The following SMYD3 variants were observed in gnomAD, a reference collection of about 807,000 sequenced individuals.
SMYD3 encodes SET and MYND domain containing 3.
Under a neutral mutation model 57.7 loss-of-function variants are expected in SMYD3, and 36 were observed. That is an observed-to-expected ratio of 0.62 (90% CI 0.48 to 0.82). The LOEUF is 0.82. Among genes scored for constraint, SMYD3 ranks in the 40% least tolerant of loss-of-function variants. The pLI is 0.00. For missense variants in SMYD3, 515 were observed against 538.8 expected (o/e 0.96, Z 0.44); for synonymous variants, 211 against 195.0 (o/e 1.08, Z -0.68).
intron 1 of SMYD3, among the ~76,000 whole-genome samples, chr1:246,460,902 A>G (rs1481080099): frequency 6.6e-6 from 1 of 152,232 alleles, no homozygotes; most frequent in Non-Finnish European, 1.5e-5. Context: ...AATTTAGTAC[A>G]TTTTTACCAC....
In SMYD3 at chr1:246,130,902, T is replaced by C. The variant is rs573645083; in HGVS notation, c.531+196299A>G. Among the ~76,000 whole-genome samples, 9 of 152,286 alleles carry C rather than the reference T, an allele frequency of 5.9e-5. 1 individual carries two copies. The highest frequency in any genetic ancestry group is 2.6e-4 in the Admixed American group (4 of 15,288). On this transcript the variant is annotated intron_variant, in intron 5 of 11. Transcript: ENST00000490107. Reference sequence around the variant, plus strand: ...AAACAGCTCTTTACTTAATAGAGAATAACGTCCAAACTTCATACTAGAGCA... The same window carrying C: ...AAACAGCTCTTTACTTAATAGAGAACAACGTCCAAACTTCATACTAGAGCA...
intron 5 of SMYD3, among the ~76,000 whole-genome samples, chr1:246,148,557 G>C (rs536294944): frequency 6.6e-6 from 1 of 152,118 alleles, no homozygotes; most frequent in Non-Finnish European, 1.5e-5. Flanking sequence ...CAGCCACAGA[G>C]GTTTCCGGCC....
chr1:245,797,981 G>A (rs1450859340), intron 10 of SMYD3, among the ~76,000 whole-genome samples: 1 of 152,112 alleles, frequency 6.6e-6, no homozygotes, highest in Admixed American at 6.5e-5. Flanking sequence ...AGAATTTTGG[G>A]TTGAGGTACA....
chr1:245,935,230 T>G (rs543774448), intron 5 of SMYD3, among the ~76,000 whole-genome samples: 29 of 152,138 alleles, frequency 1.9e-4, no homozygotes, highest in Admixed American at 4.6e-4. Flanking sequence ...CAACCCAATT[T>G]TAAAATGGGC....
chr1:245,988,155 C>T lies in SMYD3; in HGVS notation c.532-58218G>A, dbSNP rs368165071. Among the ~76,000 whole-genome samples the T allele has an allele frequency of 3.9e-5, 6 of 151,906 alleles. No individual in the cohort carries two copies. The South Asian group carries it at 6.2e-4, about 16-fold the overall frequency. ...ACACACACACACCGCCACCCACAAA[C>T]CAGTCCTAACCACAGGGCTACACAA... On this transcript the variant is annotated intron_variant, in intron 5 of 11. Coordinates refer to ENST00000490107, the MANE Select transcript of SMYD3 (RefSeq NM_001167740.2).
chr1:245,827,695 C>T (rs532131939), intron 10 of SMYD3, among the ~76,000 whole-genome samples: 1 of 152,318 alleles, frequency 6.6e-6, no homozygotes, highest in African/African-American at 2.4e-5. Context: ...TGGAATTTGG[C>T]AGGGCACTTG....
intron 1 of SMYD3, among the ~76,000 whole-genome samples, chr1:246,397,824 G>C (rs1157334403): frequency 1.3e-5 from 2 of 151,900 alleles, no homozygotes; most frequent in Admixed American, 1.3e-4. Context: ...AATGCTGACT[G>C]GTTTGGGATG....
At chr1:245,839,337 G>T (rs766405272) in intron 10 of SMYD3, among the ~76,000 whole-genome samples, 28 of 152,056 alleles carry the variant, frequency 1.8e-4, no homozygotes, top group African/African-American at 5.1e-4. Context: ...GCCCAGCTAA[G>T]TTTTTGTATT....
intron 5 of SMYD3, among the ~76,000 whole-genome samples, chr1:246,299,111 T>TA (rs2064847943): frequency 6.6e-6 from 1 of 152,170 alleles, no homozygotes; most frequent in Non-Finnish European, 1.5e-5. Flanking sequence ...TTATCCTATG[T>TA]AAAAACCAGT....
intron 10 of SMYD3, among the ~76,000 whole-genome samples, chr1:245,834,786 T>C (rs2050022660): frequency 6.6e-6 from 1 of 152,176 alleles, no homozygotes; most frequent in Admixed American, 6.5e-5. Flanking sequence ...CTGCCTTGGC[T>C]ATTGACAAGG....
intron 5 of SMYD3, among the ~76,000 whole-genome samples, chr1:246,146,632 A>G (rs2061847317): frequency 6.6e-6 from 1 of 150,586 alleles, no homozygotes; most frequent in Admixed American, 6.6e-5. Flanking sequence ...AAGACAGAAT[A>G]AACTAGAAGT....
intron 1 of SMYD3, among the ~76,000 whole-genome samples, chr1:246,470,605 TAC>T (rs1221335475): frequency 2.0e-5 from 3 of 150,458 alleles, no homozygotes; most frequent in Non-Finnish European, 4.4e-5. Context: ...TGTGTATATA[TAC>T]ACACACTATA....
rs1321578367 is a variant in SMYD3 at position 245,752,593 on chromosome 1, C to T, written c.1186-2929G>A. On this transcript the variant is annotated intron_variant, in intron 11 of 11. Transcript: ENST00000490107. The stretch of plus-strand genomic sequence containing the variant: ...CAGTTCCAGTGGTGAGTTTCACTTT[C>T]TCCTCTTTTGCAGCTTTAAGAGTAA... 3.3e-5 allele frequency among the ~76,000 whole-genome samples: 5 copies of T among 152,222 alleles called. No homozygotes were observed. The East Asian group carries it at 5.8e-4, about 18-fold the overall frequency.
At chr1:246,377,777 A>G (rs1361327003) in intron 1 of SMYD3, among the ~76,000 whole-genome samples, 1 of 152,234 alleles carries the variant, frequency 6.6e-6, no homozygotes, top group Admixed American at 6.5e-5. Context: ...TCTTTAAAGT[A>G]TGTATTCCTA....
chr1:246,406,602 T>C (rs1398141078), intron 1 of SMYD3, among the ~76,000 whole-genome samples: 1 of 152,246 alleles, frequency 6.6e-6, no homozygotes, highest in East Asian at 1.9e-4. Context: ...TGTTAGGCAC[T>C]ATTCAAAGCA....
intron 5 of SMYD3, among the ~76,000 whole-genome samples, chr1:246,255,296 T>C (rs1265421686): frequency 1.7e-5 from 2 of 115,816 alleles, no homozygotes; most frequent in Non-Finnish European, 3.8e-5. Context: ...TTTTGATGGA[T>C]CTTATTATTT....
intron 5 of SMYD3, chr1:246,186,747 A>G (rs1335774659): frequency 1.0e-6 from 1 of 985,324 alleles, no homozygotes; most frequent in Non-Finnish European, 1.2e-6. Context: ...ACTTACAATA[A>G]TCCCACCAGG....
intron 5 of SMYD3, among the ~76,000 whole-genome samples, chr1:246,296,978 T>G (rs2064806926): frequency 6.6e-6 from 1 of 152,104 alleles, no homozygotes; most frequent in Admixed American, 6.5e-5. Flanking sequence ...AGGAAACTCA[T>G]GAGTGATAGA....
intron 2 of SMYD3, among the ~76,000 whole-genome samples, chr1:246,337,035 T>C (rs1383789705): frequency 6.6e-6 from 1 of 152,208 alleles, no homozygotes; most frequent in Non-Finnish European, 1.5e-5. Context: ...AGTTCACAAC[T>C]ATAATGGCCT....
Sources: gnomAD v4.1 joint callset for allele counts (sites outside exome capture counted in the v4.1 genomes callset) on GRCh38, gnomAD v4.1.1 for gene constraint, MANE v1.5 for transcripts, NCBI Gene and HGNC (gene_info 2026-07-23, HGNC 2026-07-21) for gene names.